The following EMID1 variants were observed in gnomAD, a reference collection of about 807,000 sequenced individuals.
EMID1 encodes the protein EMI domain-containing protein 1.
Under a neutral mutation model 60.6 loss-of-function variants are expected in EMID1, and 40 were observed. That is an observed-to-expected ratio of 0.66 (90% CI 0.51 to 0.86). EMID1 has a LOEUF of 0.86. EMID1 is among the 40% of genes least tolerant of loss of function. The pLI is 0.00. For missense variants in EMID1, 585 were observed against 597.1 expected, an observed-to-expected ratio of 0.98 and a Z score of 0.21; for synonymous variants, 242 against 231.0, an observed-to-expected ratio of 1.05 and a Z score of -0.43.
intron 1 of EMID1, among the ~76,000 whole-genome samples, chr22:29,214,448 T>C (rs1164507045): frequency 1.3e-5 from 2 of 151,874 alleles, no homozygotes; most frequent in Non-Finnish European, 2.9e-5. Context: ...GTACAGGAGA[T>C]CCTGAGGGTT....
rs201723268 is a variant in EMID1 at position 29,225,233 on chromosome 22, C to G, written c.403+17C>G. On this transcript the variant is annotated intron_variant, in intron 4 of 14. Transcript: ENST00000334018. ...CCTTCTCAGGTGGGTCCTGGGATAG[C>G]TTCTTGAGGTCCCCCTGGGCTGAGG... 6.2e-7 allele frequency: 1 copy of G among 1,612,696 alleles called. No individual in the cohort carries two copies. Among genetic ancestry groups the G allele is most frequent in the East Asian group, 2.2e-5 (1 of 44,858 alleles).
chr22:29,254,119 G>A (rs866125350), intron 13 of EMID1, 84 bp from the exon 14 acceptor site: 31 of 1,600,470 alleles, frequency 1.9e-5, no homozygotes, highest in Middle Eastern at 1.9e-4. Context: ...TGCATGTCCC[G>A]GGTGGGGCAT....
intron 10 of EMID1, 31 bp from the exon 11 acceptor site, chr22:29,234,106 C>A: frequency 6.4e-7 from 1 of 1,560,840 alleles, no homozygotes; most frequent in Non-Finnish European, 8.7e-7. Context: ...CCTGCCCCAA[C>A]ACAAGGCTGA....
intron 3 of EMID1, among the ~76,000 whole-genome samples, chr22:29,219,009 C>G (rs868128360): frequency 1.3e-5 from 2 of 152,186 alleles, no homozygotes; most frequent in Admixed American, 6.5e-5. Context: ...CTGCCACCGT[C>G]CTCCGTGCTG....
intron 14 of EMID1, chr22:29,255,205 T>TG: frequency 5.6e-6 from 1 of 178,068 alleles, no homozygotes; most frequent in Non-Finnish European, 1.2e-5. Context: ...CCCTCCCCGC[T>TG]TGGCTCCCCA....
chr22:29,232,701 C>A (rs965774709), intron 8 of EMID1: 10 of 346,522 alleles, frequency 2.9e-5, no homozygotes, highest in Non-Finnish European at 4.7e-5. Context: ...CCCTCCCAAG[C>A]CTTGGAACTG....
chr22:29,237,805 A>AC lies in EMID1; in HGVS notation c.1074+3456_1074+3457insC, dbSNP rs1353949895. Reference sequence around the variant, plus strand: ...AACAGAGCGAGACTCCGTTTCAAAAAAAACAAACAAAAAAAATCTGAGTTT... The same window carrying AC: ...AACAGAGCGAGACTCCGTTTCAAAAACAAACAAACAAAAAAAATCTGAGTTT... On this transcript the variant is annotated intron_variant, in intron 12 of 14. Coordinates refer to ENST00000334018, the MANE Select transcript of EMID1 (RefSeq NM_133455.4). Among the ~76,000 whole-genome samples, 5 of 143,338 alleles carry AC rather than the reference A, an allele frequency of 3.5e-5. 1 individual carries two copies. Among genetic ancestry groups the AC allele is most frequent in the East Asian group, 4.1e-4 (2 of 4,830 alleles). The allele number at this position is 143,338 out of a possible 152,430, so 94.0% of individuals were successfully genotyped here.
rs918332348 is a variant in EMID1 at position 29,259,274 on chromosome 22, C to G, written c.*330C>G. The G allele has an allele frequency of 7.1e-5, 24 of 337,282 alleles. No homozygotes were observed. The highest frequency in any genetic ancestry group is 1.3e-4 in the Non-Finnish European group (23 of 183,832). The allele number at this position is 337,282 out of a possible 1,614,324, so 20.9% of individuals were successfully genotyped here. On this transcript the variant is annotated 3_prime_UTR_variant, in exon 15 of 15. Transcript: ENST00000334018. ...GCACTGAGGGAGTCAGGAGCTGGGGCTCGGCACATGCAGAGATGACAGGGC... is the reference window on the plus strand; with the variant it reads ...GCACTGAGGGAGTCAGGAGCTGGGGGTCGGCACATGCAGAGATGACAGGGC...
rs201019376 is a variant in EMID1 at position 29,233,413 on chromosome 22, C to G, written c.858C>G (p.Thr286=). 7 of 1,614,146 alleles carry G rather than the reference C, an allele frequency of 4.3e-6. No individual in the cohort carries two copies. The highest frequency in any genetic ancestry group is 5.9e-6 in the Non-Finnish European group (7 of 1,179,992). ...TGCTGTCCAACACCTTCACTGAGAC[C>G]AACAACCACTGGCCCCAGGGACCCA... is the stretch of plus-strand genomic sequence containing the variant. ...DPLLSNTFTE[T]NNHWPQGPTG... is the part of the protein sequence containing the mutation. The change falls in exon 9 of 15, where the codon ACC becomes ACG. Residue 286 remains threonine (T), a synonymous_variant. Transcript: ENST00000334018.
intron 13 of EMID1, among the ~76,000 whole-genome samples, chr22:29,253,077 T>C (rs1016666343): frequency 6.6e-6 from 1 of 152,224 alleles, no homozygotes; most frequent in Non-Finnish European, 1.5e-5. Flanking sequence ...GCGAAAGCAA[T>C]ATAGGCTTTC....
intron 13 of EMID1, among the ~76,000 whole-genome samples, chr22:29,250,891 A>C (rs2041504444): frequency 6.8e-6 from 1 of 147,076 alleles, no homozygotes; most frequent in Non-Finnish European, 1.5e-5. Context: ...CACTGTGCTC[A>C]GCCTGGAATT....
At chr22:29,219,035 A>C (rs1195493483) in intron 3 of EMID1, among the ~76,000 whole-genome samples, 1 of 151,886 alleles carries the variant, frequency 6.6e-6, no homozygotes. Flanking sequence ...TGCAAGGTTT[A>C]CCCCCTGCAG....
At chr22:29,243,862 C>G (rs2041235464) in intron 13 of EMID1, among the ~76,000 whole-genome samples, 1 of 152,220 alleles carries the variant, frequency 6.6e-6, no homozygotes. Context: ...CAAGGCTTAG[C>G]TTGCTCCCTT....
rs3835212 is a variant in EMID1, at chr22:29,231,442, ACC to A, written c.587-144_587-143del. The A allele has an allele frequency of 2.9e-5, 25 of 868,202 alleles. No homozygotes were observed. The African/African-American group carries it at 4.2e-4, about 15-fold the overall frequency. 53.8% of individuals were successfully genotyped at this position (868,202 alleles called of 1,614,324 possible). ...CCAGCAGGGACACTGACCTCTGCCT[ACC>A]CCCCCCACCCCAGGGCTGCCAGGAG... On this transcript the variant is annotated intron_variant, in intron 6 of 14. Coordinates refer to ENST00000334018, the MANE Select transcript of EMID1 (RefSeq NM_133455.4).
chr22:29,231,522 G>T, intron 6 of EMID1, 71 bp from the exon 7 acceptor site: 2 of 1,469,086 alleles, frequency 1.4e-6, no homozygotes, highest in Non-Finnish European at 1.9e-6. Flanking sequence ...GATGCTGGTT[G>T]GGGGGCTGGG....
intron 3 of EMID1, chr22:29,216,374 G>T (rs1601912576): frequency 1.0e-6 from 1 of 985,426 alleles, no homozygotes; most frequent in African/African-American, 1.7e-5. Flanking sequence ...TCACTGCCTG[G>T]CTGAACCCAT....
chr22:29,218,247 C>T (rs1212290332), intron 3 of EMID1, among the ~76,000 whole-genome samples: 1 of 152,266 alleles, frequency 6.6e-6, no homozygotes, highest in African/African-American at 2.4e-5. Context: ...CCCCACTTCA[C>T]AGTCAGCTGC....
At chr22:29,258,392 GCT>G (rs1202586340) in intron 14 of EMID1, among the ~76,000 whole-genome samples, 1 of 152,150 alleles carries the variant, frequency 6.6e-6, no homozygotes, top group African/African-American at 2.4e-5. Context: ...GGCCTCCTAA[GCT>G]CTTTCCCCCA....
intron 14 of EMID1, chr22:29,254,541 A>G (rs1233589084): frequency 1.3e-5 from 6 of 452,886 alleles, no homozygotes; most frequent in African/African-American, 4.0e-5. Context: ...CATTATGGGT[A>G]GTGTGGTTTC....
Sources: allele counts gnomAD v4.1 joint callset (sites outside exome capture counted in the v4.1 genomes callset), GRCh38; gene constraint gnomAD v4.1.1; transcripts MANE v1.5; gene names NCBI Gene and HGNC (gene_info 2026-07-23, HGNC 2026-07-21).